Variants in PCLO observed in about 807,000 individuals in gnomAD.
The protein encoded by PCLO is protein piccolo.
Under a neutral mutation model 427.5 loss-of-function variants are expected in PCLO, and 82 were observed. That is an observed-to-expected ratio of 0.19 (90% CI 0.16 to 0.23). The LOEUF is 0.23. Among genes scored for constraint, PCLO ranks in the 10% least tolerant of loss-of-function variants. PCLO has a pLI of 1.00. For synonymous variants in PCLO, 2,357 were observed against 2,155.4 expected (o/e 1.09, Z -2.59); for missense variants, 6,239 against 6,115.9 (o/e 1.02, Z -0.67).
intron 3 of PCLO, among the ~76,000 whole-genome samples, chr7:82,991,961 C>T (rs912568606): frequency 6.6e-6 from 1 of 152,060 alleles, no homozygotes; most frequent in African/African-American, 2.4e-5. Context: ...CTATTAGTGG[C>T]TCAAGAGACA....
intron 6 of PCLO, among the ~76,000 whole-genome samples, chr7:82,924,599 G>T (rs1794670855): frequency 1.3e-5 from 2 of 152,038 alleles, no homozygotes; most frequent in African/African-American, 4.8e-5. Context: ...GAAAAATTAT[G>T]TAAGTCCTAG....
intron 3 of PCLO, among the ~76,000 whole-genome samples, chr7:83,076,553 G>A (rs532473370): frequency 3.3e-5 from 5 of 151,674 alleles, no homozygotes; most frequent in South Asian, 4.2e-4. Flanking sequence ...CTGAGCCACC[G>A]CACCTGGCAG....
intron 3 of PCLO, among the ~76,000 whole-genome samples, chr7:83,066,046 T>G (rs1789663596): frequency 1.3e-5 from 2 of 152,236 alleles, no homozygotes; most frequent in South Asian, 2.1e-4. Context: ...GCTTTAGCAC[T>G]TACATTTTCT....
At chr7:82,780,405 A>G (rs1180388533) in intron 22 of PCLO, among the ~76,000 whole-genome samples, 1 of 152,144 alleles carries the variant, frequency 6.6e-6, no homozygotes, top group African/African-American at 2.4e-5. Context: ...CCTGCTATCA[A>G]TTTTCAGTCT....
chr7:82,914,948 T>A lies in PCLO; in HGVS notation c.13038A>T (p.Gln4346His). The change falls in exon 7 of 25, where the codon CAA (glutamine) becomes CAT (histidine). Residue 4346 changes from glutamine (Q) to histidine (H), a missense_variant. This residue lies in a region of PCLO where 680 missense variants were observed against 677.3 expected (regional missense o/e 1.00). Transcript: ENST00000333891. The stretch of plus-strand genomic sequence containing the variant: ...CCACAATTGGTATTCTTCCTCTACT[T>A]TGACTAATTGGCAAACTGGTCGGCT... ...RTKPTSLPIS[Q>H]SRGRIPIVAQ... 1 of 1,613,718 alleles carries A rather than the reference T, an allele frequency of 6.2e-7. No individual in the cohort carries two copies.
chr7:83,041,111 A>G (rs1234112365), intron 3 of PCLO, among the ~76,000 whole-genome samples: 1 of 152,222 alleles, frequency 6.6e-6, no homozygotes, highest in Non-Finnish European at 1.5e-5. Context: ...AACTACATTG[A>G]AACCACAAAC....
chr7:83,082,134 C>T (rs1024678679), intron 3 of PCLO, among the ~76,000 whole-genome samples: 9 of 151,426 alleles, frequency 5.9e-5, no homozygotes, highest in East Asian at 1.9e-4. Context: ...CACACACACA[C>T]GCACACACAT....
At chr7:83,148,155 T>C (rs1055356843) in intron 2 of PCLO, among the ~76,000 whole-genome samples, 1 of 152,186 alleles carries the variant, frequency 6.6e-6, no homozygotes, top group African/African-American at 2.4e-5. Context: ...CCTTTCTTAG[T>C]ACCCTTACCC....
chr7:83,143,533 G>A (rs748187979), intron 2 of PCLO, among the ~76,000 whole-genome samples: 1 of 81,954 alleles, frequency 1.2e-5, no homozygotes, highest in African/African-American at 5.1e-5. Context: ...AACTAAATAT[G>A]CACTCTTTTC....
At chr7:83,054,605 C>T (rs1169197065) in intron 3 of PCLO, among the ~76,000 whole-genome samples, 1 of 151,988 alleles carries the variant, frequency 6.6e-6, no homozygotes, top group African/African-American at 2.4e-5. Context: ...GCCAGATACA[C>T]AAACATTGAG....
Position 82,755,680 on chromosome 7 carries a change from A to G in PCLO, c.*2895T>C, listed in dbSNP as rs1790302909. 6.6e-6 allele frequency: 1 copy of G among 152,192 alleles called. No homozygotes were observed. The highest frequency in any genetic ancestry group is 6.6e-5 in the Admixed American group (1 of 15,266). 9.4% of individuals were successfully genotyped at this position (152,192 alleles called of 1,614,324 possible). ...ATAAAAAAAAGTTAATTCCAATAAA[A>G]TGAAATAAACTAAAGAGTGAAAAAC... On this transcript the variant is annotated 3_prime_UTR_variant, in exon 25 of 25. Transcript: ENST00000333891.
Position 82,952,509 on chromosome 7 carries a change from C to A in PCLO, c.8444G>T (p.Gly2815Val), listed in dbSNP as rs758572585. The change falls in exon 5 of 25, where the codon GGT (glycine) becomes GTT (valine). Residue 2815 changes from glycine (G) to valine (V), a missense_variant. By Grantham distance (109) the Gly-to-Val change is moderately radical. Coordinates refer to ENST00000333891, the MANE Select transcript of PCLO (RefSeq NM_033026.6). ...SYTTGTESLV[G>V]AEHAMTTPLQ... is the part of the protein sequence containing the mutation. ...TGGTGTTGTCATTGCATGTTCTGCA[C>A]CCACTAGGCTTTCTGTGCCTGTAGT... The A allele has an allele frequency of 8.1e-6, 13 of 1,613,784 alleles. No homozygotes were observed. The Admixed American group carries it at 1.3e-4, about 17-fold the overall frequency.
chr7:83,124,990 G>A lies in PCLO; in HGVS notation c.3300+9260C>T, dbSNP rs563500615. Among the ~76,000 whole-genome samples, 68 of 152,256 alleles carry A rather than the reference G, an allele frequency of 4.5e-4. 1 individual carries two copies. The highest frequency in any genetic ancestry group is 6.2e-4 in the Non-Finnish European group (42 of 68,020). On this transcript the variant is annotated intron_variant, in intron 3 of 24. Coordinates refer to ENST00000333891, the MANE Select transcript of PCLO (RefSeq NM_033026.6). ...GGGCTGGTCTCCAGCTCCTGACCTC[G>A]AGTGATCTGCCCGCCTTGGCCTCCC... is the stretch of plus-strand genomic sequence containing the variant.
chr7:83,036,778 G>A (rs1450793434), intron 3 of PCLO, among the ~76,000 whole-genome samples: 4 of 152,060 alleles, frequency 2.6e-5, no homozygotes, highest in Admixed American at 6.6e-5. Flanking sequence ...TACCCTTGAC[G>A]ACCCTACTAA....
intron 3 of PCLO, among the ~76,000 whole-genome samples, chr7:82,980,182 CT>C (rs58398367): frequency 0.074 from 11,187 of 152,050 alleles, 1,394 homozygotes; most frequent in African/African-American, 0.26. Context: ...TCAGTGTTTC[CT>C]GAAAAGTGAG....
At chr7:82,871,504 C>T (rs1168743622) in intron 10 of PCLO, among the ~76,000 whole-genome samples, 2 of 151,630 alleles carry the variant, frequency 1.3e-5, no homozygotes, top group Non-Finnish European at 3.0e-5. Flanking sequence ...GACAAATGTA[C>T]AGTTAGATAG....
chr7:83,134,773 G>A lies in PCLO; in HGVS notation c.2777C>T (p.Thr926Ile), dbSNP rs1416765435. 2 of 1,613,944 alleles carry A rather than the reference G, an allele frequency of 1.2e-6. No individual in the cohort carries two copies. Among genetic ancestry groups the A allele is most frequent in the Admixed American group, 3.3e-5 (2 of 60,006 alleles). ...PKSQPTTPQE[T>I]VTGKLFGFGA... ...AAACCCAAAGAGTTTCCCAGTCACG[G>A]TCTCTTGAGGAGTTGTAGGCTGTGA... The change falls in exon 3 of 25, where the codon ACC (threonine) becomes ATC (isoleucine). Residue 926 changes from threonine (T) to isoleucine (I), a missense_variant. Transcript: ENST00000333891.
intron 8 of PCLO, among the ~76,000 whole-genome samples, chr7:82,906,055 G>GATAGA (rs58979302): frequency 8.3e-4 from 105 of 127,248 alleles, no homozygotes; most frequent in African/African-American, 2.8e-3. Flanking sequence ...AGATAGATAG[G>GATAGA]TACACACACA....
chr7:82,771,784 G>A (rs1378911768), intron 22 of PCLO, among the ~76,000 whole-genome samples: 1 of 152,000 alleles, frequency 6.6e-6, no homozygotes, highest in Non-Finnish European at 1.5e-5. Flanking sequence ...AGACAGGAGT[G>A]GTTATTTATG....
Sources: gnomAD v4.1 joint callset for allele counts (sites outside exome capture counted in the v4.1 genomes callset) on GRCh38, gnomAD v4.1.1 for gene constraint, gnomAD v4.1.1 regional missense constraint, MANE v1.5 for transcripts, NCBI Gene and HGNC (gene_info 2026-07-23, HGNC 2026-07-21) for gene names.